The following TTC17 variants were observed in gnomAD, a reference collection of about 807,000 sequenced individuals.
TTC17 encodes the protein tetratricopeptide repeat protein 17.
In TTC17, 58 loss-of-function variants were observed where a neutral mutation model predicts 143.8. The ratio of observed to expected loss-of-function variants is 0.40; its 90% confidence interval spans 0.33 to 0.50. The LOEUF (loss-of-function observed/expected upper bound fraction) is 0.50. Among genes scored for constraint, TTC17 ranks in the 20% least tolerant of loss-of-function variants. The pLI is 0.49. For synonymous variants in TTC17, 501 were observed against 497.8 expected, an observed-to-expected ratio of 1.01 and a Z score of -0.09; for missense variants, 1,273 against 1,392.5, an observed-to-expected ratio of 0.91 and a Z score of 1.37.
At chr11:43,370,843 G>T (rs1481038092) in intron 1 of TTC17, among the ~76,000 whole-genome samples, 2 of 152,128 alleles carry the variant, frequency 1.3e-5, no homozygotes, top group Non-Finnish European at 2.9e-5. Context: ...TGGAGTCTCT[G>T]TTGTCCAGTC....
intron 18 of TTC17, among the ~76,000 whole-genome samples, chr11:43,447,215 T>A (rs951548788): frequency 6.6e-6 from 1 of 152,030 alleles, no homozygotes; most frequent in Admixed American, 6.6e-5. Flanking sequence ...GGAAAAAACT[T>A]AACCACATGA....
intron 16 of TTC17, among the ~76,000 whole-genome samples, chr11:43,441,352 T>G (rs1947416657): frequency 6.6e-6 from 1 of 151,968 alleles, no homozygotes; most frequent in Non-Finnish European, 1.5e-5. Flanking sequence ...CTGTCTCAGG[T>G]AGTCCGCCTT....
At chr11:43,401,023 G>A (rs1473536317) in intron 9 of TTC17, among the ~76,000 whole-genome samples, 2 of 152,168 alleles carry the variant, frequency 1.3e-5, no homozygotes, top group Non-Finnish European at 2.9e-5. Flanking sequence ...AGTGTAAAGA[G>A]TATGCTCAGT....
At chr11:43,437,900 A>G (rs1403079349) in intron 16 of TTC17, among the ~76,000 whole-genome samples, 1 of 152,228 alleles carries the variant, frequency 6.6e-6, no homozygotes, top group Non-Finnish European at 1.5e-5. Flanking sequence ...ACCCAGCTAA[A>G]AAAAGGAAGA....
chr11:43,493,668 G>A (rs899152241), intron 23 of TTC17, 105 bp from the exon 24 acceptor site: 6 of 1,536,472 alleles, frequency 3.9e-6, no homozygotes, highest in African/African-American at 2.8e-5. Context: ...CAAATGCTGC[G>A]GGATTGTCCC....
chr11:43,448,857 C>A (rs1222730875), intron 19 of TTC17: 1 of 151,402 alleles, frequency 6.6e-6, no homozygotes, highest in Non-Finnish European at 1.5e-5. Flanking sequence ...TTTGTTTTTT[C>A]TTTTCCTATT....
Position 43,414,645 on chromosome 11 carries a change from G to A in TTC17, c.2120G>A (p.Gly707Glu). 13 of 1,613,504 alleles carry A rather than the reference G, an allele frequency of 8.1e-6. No individual in the cohort carries two copies. Among genetic ancestry groups the A allele is most frequent in the Non-Finnish European group, 1.1e-5 (13 of 1,179,668 alleles). The change falls in exon 16 of 24, where the codon GGG becomes GAG. Residue 707 changes from glycine to glutamate, a missense_variant. Physicochemically the swap from Gly to Glu is moderately conservative, Grantham distance 98. Coordinates refer to ENST00000039989, the MANE Select transcript of TTC17 (RefSeq NM_018259.6). Reference protein sequence around the residue: ...NAYLALKNISGALEAFRQALK... With the variant: ...NAYLALKNISEALEAFRQALK... Reference sequence around the variant, plus strand: ...TACCTTGCTCTGAAGAATATCAGTGGGGCACTTGAGGCCTTTAGACAGGCC... The same window carrying A: ...TACCTTGCTCTGAAGAATATCAGTGAGGCACTTGAGGCCTTTAGACAGGCC...
At chr11:43,400,178 C>T in intron 9 of TTC17, 130 bp downstream of exon 9, 2 of 1,025,456 alleles carry the variant, frequency 2.0e-6, no homozygotes, top group South Asian at 3.8e-5. Context: ...ATCTCGAAAG[C>T]ATGATTCATC....
At chr11:43,458,209 A>G (rs763549770) in intron 21 of TTC17, among the ~76,000 whole-genome samples, 1 of 152,136 alleles carries the variant, frequency 6.6e-6, no homozygotes, top group Non-Finnish European at 1.5e-5. Flanking sequence ...TACACACACA[A>G]GAGCTCTTGA....
chr11:43,396,227 C>A (rs1385948230), intron 5 of TTC17: 2 of 150,894 alleles, frequency 1.3e-5, no homozygotes, highest in Middle Eastern at 6.8e-3. Context: ...TGTTTTTGGC[C>A]CTTTTTCCTT....
At chr11:43,465,687 A>G (rs531380757) in intron 21 of TTC17, among the ~76,000 whole-genome samples, 30 of 152,340 alleles carry the variant, frequency 2.0e-4, no homozygotes, top group African/African-American at 7.0e-4. Context: ...TTCAATGGGG[A>G]AAAGATGGTC....
At chr11:43,405,762 T>C (rs770280231) in intron 12 of TTC17, 24 bp from the exon 13 acceptor site, 2 of 1,612,994 alleles carry the variant, frequency 1.2e-6, no homozygotes, top group Non-Finnish European at 8.5e-7. Context: ...AAAATATGAA[T>C]CTTGTTCCTT....
intron 21 of TTC17, among the ~76,000 whole-genome samples, chr11:43,487,226 ACCT>A (rs927068180): frequency 6.6e-6 from 1 of 151,730 alleles, no homozygotes; most frequent in Admixed American, 6.6e-5. Context: ...GTTCTCTGCA[ACCT>A]CCTCCTCCCG....
intron 16 of TTC17, among the ~76,000 whole-genome samples, chr11:43,418,016 T>A (rs1946815660): frequency 6.6e-6 from 1 of 152,230 alleles, no homozygotes. Context: ...TTAATTTGTG[T>A]TTCTTGGAAT....
At chr11:43,434,243 T>C (rs1947233586) in intron 16 of TTC17, among the ~76,000 whole-genome samples, 2 of 147,244 alleles carry the variant, frequency 1.4e-5, no homozygotes, top group African/African-American at 5.1e-5. Flanking sequence ...TCTCATGGCC[T>C]CTTTCCCATT....
At chr11:43,368,156 T>C (rs1856421648) in intron 1 of TTC17, among the ~76,000 whole-genome samples, 1 of 152,192 alleles carries the variant, frequency 6.6e-6, no homozygotes, top group Admixed American at 6.5e-5. Flanking sequence ...TCACCTTTTC[T>C]TGATGAGTCT....
At chr11:43,397,901 C>CGTGTGTGTGT (rs368934799) in intron 7 of TTC17, 73 bp from the exon 8 acceptor site, 142 of 1,253,788 alleles carry the variant, frequency 1.1e-4, no homozygotes, top group Middle Eastern at 2.5e-4. Context: ...TTTTTTTTTC[C>CGTGTGTGTGT]GTGTGTGTGT....
chr11:43,430,144 G>T lies in TTC17; in HGVS notation c.2252-13181G>T, dbSNP rs544705340. ...CTGAAGCAAGATTAACAAACTAGAG[G>T]GGGCTGAGCACAGTGGCTCATGCCT... On this transcript the variant is annotated intron_variant, in intron 16 of 23. Coordinates refer to ENST00000039989, the MANE Select transcript of TTC17 (RefSeq NM_018259.6). 1.9e-3 allele frequency among the ~76,000 whole-genome samples: 290 copies of T among 152,270 alleles called. 3 individuals are homozygous for T. The highest frequency in any genetic ancestry group is 6.0e-3 in the South Asian group (29 of 4,822).
At chr11:43,454,483 A>G (rs1470570606) in intron 21 of TTC17, among the ~76,000 whole-genome samples, 2 of 152,134 alleles carry the variant, frequency 1.3e-5, no homozygotes, top group Non-Finnish European at 2.9e-5. Flanking sequence ...AGGACAAACA[A>G]TTATATCCAT....
Sources: gnomAD v4.1 joint callset for allele counts (sites outside exome capture counted in the v4.1 genomes callset) on GRCh38, gnomAD v4.1.1 for gene constraint, MANE v1.5 for transcripts, NCBI Gene and HGNC (gene_info 2026-07-23, HGNC 2026-07-21) for gene names.